The following RAD18 variants were observed in gnomAD, a reference collection of about 807,000 sequenced individuals.
RAD18 encodes RAD18 E3 ubiquitin protein ligase.
Under a neutral mutation model 60.4 loss-of-function variants are expected in RAD18, and 47 were observed. That is an observed-to-expected ratio of 0.78 (90% confidence interval 0.62 to 0.99). The LOEUF is 0.99. Among genes scored for constraint, RAD18 ranks in the 50% least tolerant of loss-of-function variants. The pLI, the probability that RAD18 is intolerant of heterozygous loss-of-function variation, is 0.00. For missense variants in RAD18, 640 were observed against 593.3 expected (o/e 1.08, Z -0.82); for synonymous variants, 225 against 195.5 (o/e 1.15, Z -1.26).
At chr3:8,884,257 T>C (rs1012245238) in intron 12 of RAD18, among the ~76,000 whole-genome samples, 7 of 152,190 alleles carry the variant, frequency 4.6e-5, no homozygotes, top group African/African-American at 1.7e-4. Context: ...TCAGACATTT[T>C]TCTTGAATAA....
At chr3:8,893,817 T>G (rs994205277) in intron 11 of RAD18, among the ~76,000 whole-genome samples, 1 of 150,328 alleles carries the variant, frequency 6.7e-6, no homozygotes, top group Non-Finnish European at 1.5e-5. Flanking sequence ...CCACCACATC[T>G]CCTGAGTAGT....
At chr3:8,948,119 C>G (rs939570542) in intron 3 of RAD18, among the ~76,000 whole-genome samples, 2 of 152,164 alleles carry the variant, frequency 1.3e-5, no homozygotes, top group Non-Finnish European at 2.9e-5. Flanking sequence ...TGTAAGGGAA[C>G]AGATAGGCCG....
At chr3:8,900,595 C>T (rs1939892318) in intron 10 of RAD18, among the ~76,000 whole-genome samples, 1 of 152,034 alleles carries the variant, frequency 6.6e-6, no homozygotes, top group African/African-American at 2.4e-5. Context: ...AAAATAGAGC[C>T]CCGAAGAGTG....
chr3:8,903,093 T>C (rs1298663398), intron 9 of RAD18, among the ~76,000 whole-genome samples: 2 of 151,172 alleles, frequency 1.3e-5, no homozygotes, highest in African/African-American at 4.9e-5. Context: ...TCCTTAGGAA[T>C]CACTTGCAAT....
At chr3:8,887,497 G>A (rs1400595687) in intron 12 of RAD18, among the ~76,000 whole-genome samples, 1 of 152,142 alleles carries the variant, frequency 6.6e-6, no homozygotes, top group Non-Finnish European at 1.5e-5. Context: ...AGTAACACCA[G>A]GACCATTTTC....
chr3:8,925,093 A>G (rs1341416693), intron 7 of RAD18, among the ~76,000 whole-genome samples: 1 of 152,130 alleles, frequency 6.6e-6, no homozygotes, highest in Non-Finnish European at 1.5e-5. Context: ...AGACACAAAA[A>G]ACCCTTCAAA....
At chr3:8,887,226 C>A (rs1453749749) in intron 12 of RAD18, among the ~76,000 whole-genome samples, 1 of 152,188 alleles carries the variant, frequency 6.6e-6, no homozygotes, top group African/African-American at 2.4e-5. Context: ...TCTAACAAGT[C>A]CTCCAGGTGA....
chr3:8,917,250 A>T lies in RAD18; in HGVS notation c.890-3530T>A, dbSNP rs1460454775. Among the ~76,000 whole-genome samples the T allele has an allele frequency of 2.0e-5, 3 of 152,226 alleles. No individual in the cohort carries two copies. In the East Asian group the frequency reaches 5.8e-4, roughly 29 times the overall value. Reference sequence around the variant, plus strand: ...GTGAAACACAAAAACTTTCTGAGGAAATCATAAGCTGAGAGAAAGTATTAT... The same window carrying T: ...GTGAAACACAAAAACTTTCTGAGGATATCATAAGCTGAGAGAAAGTATTAT... On this transcript the variant is annotated intron_variant, in intron 7 of 12. Coordinates refer to ENST00000264926, the MANE Select transcript of RAD18 (RefSeq NM_020165.4).
intron 4 of RAD18, among the ~76,000 whole-genome samples, chr3:8,942,043 C>T (rs1940756755): frequency 6.6e-6 from 1 of 152,120 alleles, no homozygotes; most frequent in Non-Finnish European, 1.5e-5. Flanking sequence ...CAGAGAACAG[C>T]TTATATGAGA....
intron 7 of RAD18, among the ~76,000 whole-genome samples, chr3:8,926,128 G>C (rs942639738): frequency 1.3e-5 from 2 of 152,102 alleles, no homozygotes; most frequent in East Asian, 1.9e-4. Flanking sequence ...AATTGTCCCT[G>C]TTTGCAGATG....
In RAD18 at chr3:8,898,983, C is replaced by T. The variant is rs367684859; in HGVS notation, c.1233G>A (p.Glu411=). 218 of 1,610,162 alleles carry T rather than the reference C, an allele frequency of 1.4e-4. 3 individuals are homozygous for T. The South Asian group carries it at 2.2e-3, about 16-fold the overall frequency. ...HFSQSKLDSP[E]ELEPDREEDS... ...CCTCTTCTCTGTCAGGTTCCAATTC[C>T]TCTGGGGAGTCCAGCTTTGATTGAG... The change falls in exon 11 of 13, where the codon GAG becomes GAA. Residue 411 remains glutamate, a synonymous_variant. Transcript: ENST00000264926.
At chr3:8,933,019 C>G (rs955132125) in intron 7 of RAD18, among the ~76,000 whole-genome samples, 3 of 152,080 alleles carry the variant, frequency 2.0e-5, no homozygotes, top group African/African-American at 7.2e-5. Flanking sequence ...TCGCTTCAAC[C>G]TGGGAGACGG....
intron 2 of RAD18, 87 bp from the exon 3 acceptor site, chr3:8,948,657 A>T (rs756743561): frequency 3.6e-5 from 41 of 1,147,548 alleles, no homozygotes; most frequent in Non-Finnish European, 4.8e-5. Flanking sequence ...TAAGCCCTAG[A>T]CTATTTCCGT....
At chr3:8,963,110 A>G (rs184518864) in intron 1 of RAD18, among the ~76,000 whole-genome samples, 75 of 152,264 alleles carry the variant, frequency 4.9e-4, no homozygotes, top group African/African-American at 1.8e-3. Flanking sequence ...TGGTGCCATA[A>G]GACTGCCAAC....
Position 8,945,559 on chromosome 3 carries a change from A to G in RAD18, c.266+1661T>C, listed in dbSNP as rs191229440. 1.3e-3 allele frequency among the ~76,000 whole-genome samples: 186 copies of G among 138,938 alleles called. 4 individuals are homozygous for G. In the East Asian group the frequency reaches 0.037, roughly 28 times the overall value. The allele number at this position is 138,938 out of a possible 152,430, so 91.1% of individuals were successfully genotyped here. On this transcript the variant is annotated intron_variant, in intron 4 of 12. Transcript: ENST00000264926. ...TGATCTCGGCTCACTGCAACCTCCA[A>G]CTCCCTGGTTCAAGCGATTCTCCTG...
At chr3:8,895,830 A>G (rs1189303247) in intron 11 of RAD18, among the ~76,000 whole-genome samples, 1 of 152,214 alleles carries the variant, frequency 6.6e-6, no homozygotes, top group African/African-American at 2.4e-5. Flanking sequence ...TGCAAAACCA[A>G]ACAAATATAA....
chr3:8,947,249 A>G lies in RAD18; in HGVS notation c.237T>C (p.Asp79=). The G allele has an allele frequency of 6.2e-7, 1 of 1,611,516 alleles. No homozygotes were observed. The highest frequency in any genetic ancestry group is 8.5e-7 in the Non-Finnish European group (1 of 1,177,920). The change falls in exon 4 of 13, where the codon GAT becomes GAC. Residue 79 remains aspartate (D), a synonymous_variant. Transcript: ENST00000264926. ...EPDLKNNRIL[D]ELVKSLNFAR... is the part of the protein sequence containing the mutation. Reference sequence around the variant, plus strand: ...CAAAATTCAAGCTTTTTACCAGTTCATCTAATATGCGGTTATTTTTCAGAT... The same window carrying G: ...CAAAATTCAAGCTTTTTACCAGTTCGTCTAATATGCGGTTATTTTTCAGAT...
chr3:8,895,875 C>CTA (rs1313591760), intron 11 of RAD18, among the ~76,000 whole-genome samples: 8 of 152,220 alleles, frequency 5.3e-5, no homozygotes, highest in Admixed American at 3.3e-4. Context: ...AGGTCACATG[C>CTA]TATACATGCT....
rs1939441878 is a variant in RAD18 at position 8,880,676 on chromosome 3, A to G, written c.*681T>C. Reference sequence around the variant, plus strand: ...AAGTGAAAAAATACTGACACTAATCATTTTTAAGTGCTATTTCAGAAGAAT... The same window carrying G: ...AAGTGAAAAAATACTGACACTAATCGTTTTTAAGTGCTATTTCAGAAGAAT... On this transcript the variant is annotated 3_prime_UTR_variant, in exon 13 of 13. Transcript: ENST00000264926. 6.6e-6 allele frequency: 1 copy of G among 152,256 alleles called. No individual in the cohort carries two copies. Among genetic ancestry groups the G allele is most frequent in the South Asian group, 2.1e-4 (1 of 4,832 alleles). 9.4% of individuals were successfully genotyped at this position (152,256 alleles called of 1,614,324 possible). A position where few individuals can be genotyped will look rare whatever the true frequency, so the allele number is the denominator to read the frequency against.
Sources: allele counts gnomAD v4.1 joint callset (sites outside exome capture counted in the v4.1 genomes callset), GRCh38; gene constraint gnomAD v4.1.1; transcripts MANE v1.5; gene names NCBI Gene and HGNC (gene_info 2026-07-23, HGNC 2026-07-21).